VPS13B: variants seen among roughly 807,000 people sequenced by gnomAD.
VPS13B encodes the protein vacuolar protein sorting 13 homolog B.
In VPS13B, 285 loss-of-function variants were observed where a neutral mutation model predicts 426.4. The observed-to-expected ratio is 0.67, with a 90% CI of 0.61 to 0.74. The LOEUF is 0.74. Among genes scored for constraint, VPS13B ranks in the 30% least tolerant of loss-of-function variants. The pLI, the probability that VPS13B is intolerant of heterozygous loss-of-function variation, is 0.00. For missense variants in VPS13B, 4,537 were observed against 4,782.6 expected (o/e 0.95, Z 1.51); for synonymous variants, 1,676 against 1,676.4 (o/e 1.00, Z 0.01).
At chr8:99,293,181 T>C (rs928714314) in intron 19 of VPS13B, among the ~76,000 whole-genome samples, 14 of 143,836 alleles carry the variant, frequency 9.7e-5, no homozygotes, top group African/African-American at 3.4e-4. Flanking sequence ...ATGGTACTGG[T>C]ACCAAAACAG....
intron 35 of VPS13B, among the ~76,000 whole-genome samples, chr8:99,674,293 A>G (rs1257023647): frequency 1.3e-5 from 2 of 152,014 alleles, no homozygotes; most frequent in Admixed American, 1.3e-4. Flanking sequence ...ATATACTACA[A>G]TGTTATGCCG....
In VPS13B at chr8:99,664,992, T is replaced by G. The variant is rs183651649; in HGVS notation, c.6046+3501T>G. ...TCTCCAGCACCTGTTGTTTCTTGACTTTTTAATGATCACCATTCTAACTGG... is the reference window on the plus strand; with the variant it reads ...TCTCCAGCACCTGTTGTTTCTTGACGTTTTAATGATCACCATTCTAACTGG... On this transcript the variant is annotated intron_variant, in intron 35 of 61. Transcript: ENST00000357162. Among the ~76,000 whole-genome samples the G allele has an allele frequency of 7.9e-3, 1,203 of 152,338 alleles. 11 individuals are homozygous for G. Among genetic ancestry groups the G allele is most frequent in the Non-Finnish European group, 0.013 (890 of 68,022 alleles).
chr8:99,117,330 A>G (rs1441937895), intron 7 of VPS13B, among the ~76,000 whole-genome samples: 1 of 152,200 alleles, frequency 6.6e-6, no homozygotes, highest in Non-Finnish European at 1.5e-5. Flanking sequence ...ACTGGAACTC[A>G]TATAAGTTGT....
chr8:99,438,034 C>CAT (rs1817480110), intron 22 of VPS13B, among the ~76,000 whole-genome samples: 2 of 120,604 alleles, frequency 1.7e-5, no homozygotes, highest in South Asian at 2.7e-4. Context: ...TTCTTTTCCT[C>CAT]TTTTTTTTTT....
At position 99,716,968 on chromosome 8, in the gene VPS13B, A is replaced by C. The variant is rs151040361; in HGVS notation, c.6455-203A>C. On this transcript the variant is annotated intron_variant, in intron 36 of 61. Coordinates refer to ENST00000357162, the MANE Select transcript of VPS13B (RefSeq NM_152564.5). ...AAGTCATAATGTTTTGGCAAATATT[A>C]CTTTGTTAGGAATGTGAATGAGGTA... Among the ~76,000 whole-genome samples, 6 of 152,342 alleles carry C rather than the reference A, an allele frequency of 3.9e-5. 1 individual carries two copies. The East Asian group carries it at 7.7e-4, about 20-fold the overall frequency.
chr8:99,327,432 A>T (rs930080184), intron 19 of VPS13B, among the ~76,000 whole-genome samples: 1 of 152,194 alleles, frequency 6.6e-6, no homozygotes, highest in Non-Finnish European at 1.5e-5. Flanking sequence ...TCAAATAAAT[A>T]CAAAAATTTG....
At chr8:99,134,825 A>G in intron 9 of VPS13B, 98 bp downstream of exon 9, 1 of 1,208,374 alleles carries the variant, frequency 8.3e-7, no homozygotes, top group East Asian at 2.6e-5. Flanking sequence ...TAAAAATACA[A>G]GTAAGATGTT....
chr8:99,290,495 G>A (rs1040589857), intron 19 of VPS13B, among the ~76,000 whole-genome samples: 13 of 151,880 alleles, frequency 8.6e-5, no homozygotes, highest in Admixed American at 2.6e-4. Context: ...TCACACACTG[G>A]GGCCTGTCAT....
chr8:99,601,520 T>C (rs1827299307), intron 33 of VPS13B, among the ~76,000 whole-genome samples: 1 of 152,222 alleles, frequency 6.6e-6, no homozygotes, highest in Admixed American at 6.5e-5. Context: ...TCCCCAGTAA[T>C]GGGATTGCTG....
intron 35 of VPS13B, among the ~76,000 whole-genome samples, chr8:99,667,267 C>T (rs1016307698): frequency 6.6e-6 from 1 of 151,570 alleles, no homozygotes. Flanking sequence ...TTTTATATGG[C>T]TCTTATCAAA....
At chr8:99,507,909 T>G (rs772084712) in intron 28 of VPS13B, 1 of 1,614,040 alleles carries the variant, frequency 6.2e-7, no homozygotes, top group East Asian at 2.2e-5. Flanking sequence ...CTTCTTTCCT[T>G]CTGTAAGAAA....
intron 39 of VPS13B, among the ~76,000 whole-genome samples, chr8:99,734,791 G>T (rs1163071172): frequency 1.3e-5 from 2 of 152,206 alleles, no homozygotes; most frequent in Non-Finnish European, 2.9e-5. Flanking sequence ...AGGAGGAAAT[G>T]AATGTAAGAT....
At chr8:99,606,629 C>CTT (rs111334743) in intron 33 of VPS13B, among the ~76,000 whole-genome samples, 23 of 105,828 alleles carry the variant, frequency 2.2e-4, no homozygotes, top group East Asian at 1.4e-3. Context: ...TTTTTCTTTT[C>CTT]TTTTTTTTTT....
At chr8:99,155,027 G>GA (rs1039900894) in intron 14 of VPS13B, among the ~76,000 whole-genome samples, 5 of 151,596 alleles carry the variant, frequency 3.3e-5, no homozygotes, top group African/African-American at 1.2e-4. Flanking sequence ...ATTGCTTAAG[G>GA]AAAAAGACAA....
intron 39 of VPS13B, among the ~76,000 whole-genome samples, chr8:99,740,788 C>T (rs1301002523): frequency 6.6e-6 from 1 of 152,076 alleles, no homozygotes; most frequent in African/African-American, 2.4e-5. Context: ...GATTTTGTCA[C>T]CACCAGGCCT....
intron 51 of VPS13B, among the ~76,000 whole-genome samples, chr8:99,828,322 T>A (rs1436810493): frequency 6.6e-6 from 1 of 151,160 alleles, no homozygotes; most frequent in Non-Finnish European, 1.5e-5. Flanking sequence ...CATTATGTAA[T>A]GCCCTTCTTT....
chr8:99,877,565 G>C lies in VPS13B; in HGVS notation c.*1899G>C, dbSNP rs1352785022. 1.3e-5 allele frequency: 2 copies of C among 152,246 alleles called. No individual in the cohort carries two copies. Among genetic ancestry groups the C allele is most frequent in the African/African-American group, 4.8e-5 (2 of 41,428 alleles). The allele number at this position is 152,246 out of a possible 1,614,324, so 9.4% of individuals were successfully genotyped here. On this transcript the variant is annotated 3_prime_UTR_variant, in exon 62 of 62. Transcript: ENST00000357162. ...AATATACAGGTTTTGTTATAATAAA[G>C]TTACTGATTAAATTAGCTTTGAATA...
chr8:99,023,907 TTGTA>T (rs1842020746), intron 2 of VPS13B, among the ~76,000 whole-genome samples: 1 of 152,222 alleles, frequency 6.6e-6, no homozygotes, highest in South Asian at 2.1e-4. Flanking sequence ...CTAATTTTAT[TTGTA>T]TGTACACCCA....
chr8:99,173,940 CTA>C (rs1812492499), intron 16 of VPS13B, among the ~76,000 whole-genome samples: 1 of 152,152 alleles, frequency 6.6e-6, no homozygotes. Flanking sequence ...CAAAAAATAA[CTA>C]TTTTTAAATG....
Sources: allele counts gnomAD v4.1 joint callset (sites outside exome capture counted in the v4.1 genomes callset), GRCh38; gene constraint gnomAD v4.1.1; transcripts MANE v1.5; gene names NCBI Gene and HGNC (gene_info 2026-07-23, HGNC 2026-07-21).